The following CACHD1 variants were observed in gnomAD, a reference collection of about 807,000 sequenced individuals.
The protein encoded by CACHD1 is cache domain containing 1, also known as VWFA and cache domain-containing protein 1.
In CACHD1, 71 loss-of-function variants were observed where a neutral mutation model predicts 138.7. The observed-to-expected ratio is 0.51, with a 90% CI of 0.42 to 0.62. CACHD1 has a LOEUF of 0.62. Among genes scored for constraint, CACHD1 ranks in the 20% least tolerant of loss-of-function variants. The pLI, the probability that CACHD1 is intolerant of heterozygous loss-of-function variation, is 0.00. For synonymous variants in CACHD1, 578 were observed against 591.5 expected (o/e 0.98, Z 0.33); for missense variants, 1,389 against 1,625.3 (o/e 0.85, Z 2.50).
At chr1:64,620,239 A>G (rs938178073) in intron 4 of CACHD1, among the ~76,000 whole-genome samples, 2 of 152,162 alleles carry the variant, frequency 1.3e-5, no homozygotes, top group East Asian at 3.8e-4. Context: ...TAGAGACCAT[A>G]TTGACTTTGG....
chr1:64,671,423 G>A (rs1336180088), intron 16 of CACHD1, 141 bp from the exon 17 acceptor site: 2 of 851,390 alleles, frequency 2.3e-6, no homozygotes, highest in Non-Finnish European at 3.7e-6. Flanking sequence ...TCACTTAGTT[G>A]ATCATTTTTG....
chr1:64,576,835 AT>A (rs1646971931), intron 2 of CACHD1, among the ~76,000 whole-genome samples: 1 of 152,144 alleles, frequency 6.6e-6, no homozygotes, highest in African/African-American at 2.4e-5. Flanking sequence ...AATTTGAACA[AT>A]TTAAAATAGT....
chr1:64,483,857 T>G (rs1646225526), intron 1 of CACHD1, among the ~76,000 whole-genome samples: 1 of 94,398 alleles, frequency 1.1e-5, no homozygotes, highest in Non-Finnish European at 2.2e-5. Context: ...GACCTTATCT[T>G]TTACCTTCCC....
intron 4 of CACHD1, among the ~76,000 whole-genome samples, chr1:64,624,486 G>T (rs1352829077): frequency 6.6e-6 from 1 of 152,158 alleles, no homozygotes; most frequent in Non-Finnish European, 1.5e-5. Context: ...AGGGCTGTCT[G>T]GAGAACAGTG....
In CACHD1 at chr1:64,691,466, A is replaced by C; in HGVS notation, c.3730A>C (p.Lys1244Gln). Residue 1244 changes from lysine to glutamine, a missense_variant, in exon 27 of 27, where the codon AAG becomes CAG. Coordinates refer to ENST00000651257, the MANE Select transcript of CACHD1 (RefSeq NM_020925.4). ...PPQTAALLSH[K>Q]FHHYRSHHPT... ...TCAGACTGCTGCCCTACTAAGTCAC[A>C]AGTTCCACCACTACCGGTCACACCA... 6.2e-7 allele frequency: 1 copy of C among 1,614,080 alleles called. No individual in the cohort carries two copies. Among genetic ancestry groups the C allele is most frequent in the Admixed American group, 1.7e-5 (1 of 60,002 alleles).
chr1:64,676,889 G>A lies in CACHD1; in HGVS notation c.2976-6G>A. ...GTCTTAACCTCCAGACTTACCTCCT[G>A]CACAGAAACCCCAGCTGCGAGGTCC... is the stretch of plus-strand genomic sequence containing the variant. On this transcript the variant is annotated splice_polypyrimidine_tract_variant and splice_region_variant and intron_variant, in intron 21 of 26. Transcript: ENST00000651257. 6.2e-7 allele frequency: 1 copy of A among 1,612,280 alleles called. No homozygotes were observed. Among genetic ancestry groups the A allele is most frequent in the South Asian group, 1.1e-5 (1 of 90,918 alleles).
chr1:64,490,482 A>G (rs1646268991), intron 1 of CACHD1, among the ~76,000 whole-genome samples: 2 of 152,196 alleles, frequency 1.3e-5, no homozygotes, highest in African/African-American at 4.8e-5. Flanking sequence ...ATAAACTGTG[A>G]TAGCTTCTTC....
chr1:64,500,734 A>AAAG (rs1646334067), intron 1 of CACHD1, among the ~76,000 whole-genome samples: 2 of 26,458 alleles, frequency 7.6e-5, no homozygotes, highest in Admixed American at 5.4e-4. Context: ...AAAAAAAAAA[A>AAAG]AGAGAGAGAG....
chr1:64,558,714 C>G (rs1296900444), intron 2 of CACHD1, among the ~76,000 whole-genome samples: 1 of 152,104 alleles, frequency 6.6e-6, no homozygotes. Flanking sequence ...AATAGGCAAC[C>G]TACAGAAAGG....
intron 3 of CACHD1, among the ~76,000 whole-genome samples, chr1:64,602,335 G>T (rs1257126573): frequency 1.3e-5 from 2 of 152,098 alleles, no homozygotes; most frequent in African/African-American, 2.4e-5. Context: ...ACAGAGCAGG[G>T]TTTCACATCT....
rs147174996 is a variant in CACHD1 at position 64,527,885 on chromosome 1, T to C, written c.199-22709T>C. ...GTAAATTAGGGTCCAACAGTGAGTA[T>C]GTTTCTCAGTTGTCATTTTGTGTTG... is the stretch of plus-strand genomic sequence containing the variant. On this transcript the variant is annotated intron_variant, in intron 1 of 26. Transcript: ENST00000651257. Among the ~76,000 whole-genome samples the C allele has an allele frequency of 3.8e-3, 578 of 152,356 alleles. 13 individuals are homozygous for C. The highest frequency in any genetic ancestry group is 0.013 in the African/African-American group (553 of 41,586).
chr1:64,691,422 T>C lies in CACHD1; in HGVS notation c.3686T>C (p.Leu1229Ser). 6.2e-7 allele frequency: 1 copy of C among 1,614,110 alleles called. No individual in the cohort carries two copies. The highest frequency in any genetic ancestry group is 8.5e-7 in the Non-Finnish European group (1 of 1,180,022). Residue 1229 changes from leucine (L) to serine (S), a missense_variant, in exon 27 of 27, where the codon TTA becomes TCA. By Grantham distance (145) the Leu-to-Ser change is moderately radical. Around this residue, in one of 5 missense-constraint regions of CACHD1, gnomAD observed 78 missense variants for 76.9 expected, o/e 1.01. Transcript: ENST00000651257. ...GVDVGNHDED[L>S]DLDTPPQTAA... Reference sequence around the variant, plus strand: ...GATGTGGGAAACCATGATGAGGACTTAGACCTGGATACCCCCCCTCAGACT... The same window carrying C: ...GATGTGGGAAACCATGATGAGGACTCAGACCTGGATACCCCCCCTCAGACT...
At position 64,470,477 on chromosome 1, in the gene CACHD1, G is replaced by A. The variant is rs117879511; in HGVS notation, c.-268G>A. Among the ~76,000 whole-genome samples the A allele has an allele frequency of 2.6e-5, 4 of 151,370 alleles. No individual in the cohort carries two copies. In the South Asian group the frequency reaches 8.3e-4, roughly 31 times the overall value. On this transcript the variant is annotated 5_prime_UTR_variant, in exon 1 of 27. Transcript: ENST00000651257. This position sits in a 1 kb window ranked among gnomAD's most constrained non-coding sequence, Gnocchi z 5.2. ...TCGGAGACGCCCTCTGCGCCGCGGG[G>A]CCCGTGTGGGCGCCGGGCTCCGGGG...
chr1:64,607,534 A>G (rs1243563572), intron 4 of CACHD1, among the ~76,000 whole-genome samples: 1 of 152,220 alleles, frequency 6.6e-6, no homozygotes, highest in Admixed American at 6.5e-5. Flanking sequence ...AGAAGGCCAG[A>G]TGAGATCAAG....
At chr1:64,491,586 T>G (rs1247659697) in intron 1 of CACHD1, among the ~76,000 whole-genome samples, 2 of 152,020 alleles carry the variant, frequency 1.3e-5, no homozygotes, top group Non-Finnish European at 2.9e-5. Flanking sequence ...TTCAGTCACC[T>G]CCCTCCAGGA....
intron 4 of CACHD1, among the ~76,000 whole-genome samples, chr1:64,621,767 G>A (rs1304177789): frequency 6.6e-6 from 1 of 152,188 alleles, no homozygotes; most frequent in Non-Finnish European, 1.5e-5. Flanking sequence ...GTACTGAGTT[G>A]AAGGGGGAAG....
chr1:64,568,228 A>G (rs532780003), intron 2 of CACHD1, among the ~76,000 whole-genome samples: 6 of 152,284 alleles, frequency 3.9e-5, no homozygotes, highest in African/African-American at 1.4e-4. Flanking sequence ...TAATTGAGTG[A>G]GTGAAAAACT....
chr1:64,601,833 A>G (rs957311540), intron 3 of CACHD1, among the ~76,000 whole-genome samples: 1 of 152,120 alleles, frequency 6.6e-6, no homozygotes, highest in African/African-American at 2.4e-5. Flanking sequence ...TTTTTTTAAA[A>G]CCTTATTTCA....
intron 8 of CACHD1, among the ~76,000 whole-genome samples, chr1:64,645,340 C>G (rs1400265046): frequency 6.6e-6 from 1 of 151,904 alleles, no homozygotes; most frequent in Non-Finnish European, 1.5e-5. Flanking sequence ...TTTGATGTTT[C>G]TAATAGTACA....
Sources: gnomAD v4.1 joint callset for allele counts (sites outside exome capture counted in the v4.1 genomes callset) on GRCh38, gnomAD v4.1.1 for gene constraint, gnomAD v4.1.1 regional missense constraint, Gnocchi (gnomAD v3.1) non-coding constraint, MANE v1.5 for transcripts, NCBI Gene and HGNC (gene_info 2026-07-23, HGNC 2026-07-21) for gene names.